LSM14A: variants seen among roughly 807,000 people sequenced by gnomAD.
LSM14A encodes the protein LSM14A mRNA processing body assembly factor.
Under a neutral mutation model 52.4 loss-of-function variants are expected in LSM14A, and 14 were observed. The ratio of observed to expected loss-of-function variants is 0.27; its 90% CI spans 0.18 to 0.42. The LOEUF (loss-of-function observed/expected upper bound fraction) is 0.42. Ranked by LOEUF, LSM14A falls within the 10% of genes least tolerant of loss-of-function variation. LSM14A has a pLI of 1.00. For synonymous variants in LSM14A, 185 were observed against 200.3 expected (o/e 0.92, Z 0.64); for missense variants, 417 against 581.8 (o/e 0.72, Z 2.91).
Position 34,228,413 on chromosome 19 carries a change from G to A in LSM14A, c.*1025G>A, listed in dbSNP as rs2073447790. ...TAAGTAATCTTCCCCCCTTTTGTAGGACTTTAAAACTAGGCATCAATGAAC... is the reference window on the plus strand; with the variant it reads ...TAAGTAATCTTCCCCCCTTTTGTAGAACTTTAAAACTAGGCATCAATGAAC... On this transcript the variant is annotated 3_prime_UTR_variant, in exon 10 of 10. Coordinates refer to ENST00000544216, the MANE Select transcript of LSM14A (RefSeq NM_015578.4). 6.6e-6 allele frequency: 1 copy of A among 152,552 alleles called. No individual in the cohort carries two copies. Among genetic ancestry groups the A allele is most frequent in the Non-Finnish European group, 1.5e-5 (1 of 68,034 alleles). The allele number at this position is 152,552 out of a possible 1,614,324, so 9.4% of individuals were successfully genotyped here. A position where few individuals can be genotyped will look rare whatever the true frequency, so the allele number is the denominator to read the frequency against.
At chr19:34,180,215 G>A (rs143681815) in intron 1 of LSM14A, among the ~76,000 whole-genome samples, 349 of 152,274 alleles carry the variant, frequency 2.3e-3, no homozygotes, top group African/African-American at 7.3e-3. Flanking sequence ...CACAGTGTCT[G>A]GCTTGAAGTA....
intron 4 of LSM14A, 55 bp downstream of exon 4, chr19:34,209,106 G>C (rs1344479028): frequency 5.5e-6 from 8 of 1,459,388 alleles, no homozygotes; most frequent in African/African-American, 1.4e-5. Context: ...AGTGGTTTTT[G>C]TCTTTCTGAA....
intron 3 of LSM14A, among the ~76,000 whole-genome samples, chr19:34,205,910 G>C (rs1329943641): frequency 6.6e-6 from 1 of 151,982 alleles, no homozygotes; most frequent in Admixed American, 6.6e-5. Flanking sequence ...ATTAAGGAAA[G>C]AAAGAACAAC....
intron 3 of LSM14A, among the ~76,000 whole-genome samples, chr19:34,200,537 A>G (rs920660393): frequency 6.6e-6 from 1 of 152,176 alleles, no homozygotes; most frequent in East Asian, 1.9e-4. Context: ...AACAAAAGAA[A>G]AATGTGTATA....
intron 1 of LSM14A, among the ~76,000 whole-genome samples, chr19:34,173,824 AAAG>A (rs149762235): frequency 0.095 from 14,498 of 152,198 alleles, 1,167 homozygotes; most frequent in African/African-American, 0.2. Flanking sequence ...GTCCAAGGAT[AAAG>A]AAGAAGATTT....
intron 9 of LSM14A, 139 bp from the exon 10 acceptor site, chr19:34,227,226 T>C (rs2073389405): frequency 1.5e-6 from 1 of 659,550 alleles, no homozygotes; most frequent in East Asian, 2.8e-5. Flanking sequence ...TTCGTGGAAA[T>C]GAGTGAGACA....
chr19:34,181,185 T>A (rs2069455705), intron 1 of LSM14A, among the ~76,000 whole-genome samples: 1 of 152,182 alleles, frequency 6.6e-6, no homozygotes, highest in Admixed American at 6.5e-5. Flanking sequence ...TCAAGAACAT[T>A]GCTCCAGCAG....
chr19:34,217,616 CGT>C (rs1213985533), intron 6 of LSM14A, among the ~76,000 whole-genome samples: 230 of 8,274 alleles, frequency 0.028, 15 homozygotes, highest in African/African-American at 0.087. Context: ...CCCCCCCCCC[CGT>C]GTTTTTTTTT....
intron 1 of LSM14A, among the ~76,000 whole-genome samples, chr19:34,176,491 T>C (rs553168241): frequency 6.6e-6 from 1 of 152,364 alleles, no homozygotes; most frequent in South Asian, 2.1e-4. Flanking sequence ...AAGCTAGATA[T>C]AAATGTTCTT....
chr19:34,217,318 G>A (rs1383612742), intron 6 of LSM14A, among the ~76,000 whole-genome samples: 1 of 150,296 alleles, frequency 6.7e-6, no homozygotes, highest in Admixed American at 6.6e-5. Context: ...TTTAAGAGCT[G>A]TAGTTTTCTT....
intron 3 of LSM14A, among the ~76,000 whole-genome samples, chr19:34,203,073 A>G (rs1277400046): frequency 6.6e-6 from 1 of 152,232 alleles, no homozygotes; most frequent in Non-Finnish European, 1.5e-5. Context: ...TGAAGCATCA[A>G]AACAGTATTT....
rs560459965 is a variant in LSM14A, at chr19:34,204,602, C to T, written c.416-4327C>T. ...GGTGTGGTTGTACATACCTGTAGTC[C>T]TAGCACTCAGGAGGCTGGGGTGGGA... is the stretch of plus-strand genomic sequence containing the variant. On this transcript the variant is annotated intron_variant, in intron 3 of 9. Transcript: ENST00000544216. Among the ~76,000 whole-genome samples the T allele has an allele frequency of 7.9e-5, 12 of 151,926 alleles. No homozygotes were observed. In the South Asian group the frequency reaches 2.3e-3, roughly 29 times the overall value.
rs1192832841 is a variant in LSM14A, at chr19:34,229,186, T to C, written c.*1798T>C. 1 of 152,242 alleles carries C rather than the reference T, an allele frequency of 6.6e-6. No homozygotes were observed. 9.4% of individuals were successfully genotyped at this position (152,242 alleles called of 1,614,324 possible). ...CTCCGAATCACTGACTGGGGCGTTT[T>C]GTGCCCCAGCAATAACTGGCAGCAT... On this transcript the variant is annotated 3_prime_UTR_variant, in exon 10 of 10. Transcript: ENST00000544216.
intron 3 of LSM14A, among the ~76,000 whole-genome samples, chr19:34,205,210 G>C (rs1408746500): frequency 1.3e-5 from 2 of 151,978 alleles, no homozygotes; most frequent in Non-Finnish European, 2.9e-5. Context: ...GAAAGGGCCA[G>C]GTGTGGTGTC....
At chr19:34,219,307 A>T in intron 6 of LSM14A, 84 bp from the exon 7 acceptor site, 1 of 802,562 alleles carries the variant, frequency 1.2e-6, no homozygotes, top group Non-Finnish European at 1.9e-6. Context: ...TGACTGTTGA[A>T]TCTAAAGAGC....
chr19:34,201,715 CT>C (rs2071304429), intron 3 of LSM14A, among the ~76,000 whole-genome samples: 1 of 152,106 alleles, frequency 6.6e-6, no homozygotes, highest in Admixed American at 6.6e-5. Flanking sequence ...TCCTAGTATT[CT>C]GATTTTAAAA....
At chr19:34,181,295 A>G (rs1008757604) in intron 1 of LSM14A, among the ~76,000 whole-genome samples, 3 of 152,132 alleles carry the variant, frequency 2.0e-5, no homozygotes, top group African/African-American at 4.8e-5. Flanking sequence ...AAAAAACCCC[A>G]CTGTACTTGA....
chr19:34,219,514 A>G lies in LSM14A; in HGVS notation c.905A>G (p.Asn302Ser). Reference protein sequence around the residue: ...FEKDFDFESANAQFNKEEIDR... With the variant: ...FEKDFDFESASAQFNKEEIDR... Reference sequence around the variant, plus strand: ...AAAGACTTTGACTTTGAAAGTGCAAATGCACAATTCAACAAGGAAGAGATT... The same window carrying G: ...AAAGACTTTGACTTTGAAAGTGCAAGTGCACAATTCAACAAGGAAGAGATT... Residue 302 changes from asparagine to serine, a missense_variant, in exon 7 of 10, where the codon AAT (asparagine) becomes AGT (serine). This residue lies in a region of LSM14A where 357 missense variants were observed against 457.0 expected (regional missense o/e 0.78). Transcript: ENST00000544216. 6.2e-7 allele frequency: 1 copy of G among 1,614,018 alleles called. No homozygotes were observed. The highest frequency in any genetic ancestry group is 8.5e-7 in the Non-Finnish European group (1 of 1,179,922).
At chr19:34,226,814 T>A (rs998000138) in intron 9 of LSM14A, among the ~76,000 whole-genome samples, 1 of 152,240 alleles carries the variant, frequency 6.6e-6, no homozygotes, top group African/African-American at 2.4e-5. Flanking sequence ...GGTTACTTTT[T>A]AAAAATTCCC....
Sources: allele counts gnomAD v4.1 joint callset (sites outside exome capture counted in the v4.1 genomes callset), GRCh38; gene constraint gnomAD v4.1.1; regional missense constraint gnomAD v4.1.1; transcripts MANE v1.5; gene names NCBI Gene and HGNC (gene_info 2026-07-23, HGNC 2026-07-21).